The following LANCL2 variants were observed in gnomAD, a reference collection of about 807,000 sequenced individuals.
LANCL2 encodes the protein lanC-like protein 2.
A neutral mutation model predicts 56.9 loss-of-function variants in LANCL2; 33 were observed. The observed-to-expected ratio is 0.58, with a 90% CI of 0.44 to 0.78. The LOEUF is 0.78. LANCL2 is among the 30% of genes least tolerant of loss of function. The pLI is 0.00. For synonymous variants in LANCL2, 233 were observed against 228.2 expected (o/e 1.02, Z -0.19); for missense variants, 562 against 580.2 (o/e 0.97, Z 0.32).
In LANCL2 at chr7:55,422,589, G is replaced by A. The variant is rs77448792; in HGVS notation, c.1009-2665G>A. Among the ~76,000 whole-genome samples the A allele has an allele frequency of 9.9e-3, 1,514 of 152,216 alleles. 8 individuals are homozygous for A. Among genetic ancestry groups the A allele is most frequent in the Non-Finnish European group, 0.016 (1,063 of 68,006 alleles). ...CACTCTTTTCCTACAGGTTCCTGAG[G>A]CTTTTGTTTTCCAGATTTCTCGTTC... On this transcript the variant is annotated intron_variant, in intron 6 of 8. Transcript: ENST00000254770.
At chr7:55,366,655 G>T (rs544210757) in intron 1 of LANCL2, among the ~76,000 whole-genome samples, 26 of 152,076 alleles carry the variant, frequency 1.7e-4, no homozygotes, top group Non-Finnish European at 3.8e-4. Flanking sequence ...CGCCGACAAA[G>T]AAGCATTGTC....
intron 5 of LANCL2, among the ~76,000 whole-genome samples, chr7:55,403,720 C>T (rs1790371985): frequency 6.6e-6 from 1 of 151,666 alleles, no homozygotes; most frequent in Non-Finnish European, 1.5e-5. Flanking sequence ...TACAGGCGCG[C>T]ACTACCACCT....
intron 6 of LANCL2, among the ~76,000 whole-genome samples, chr7:55,417,857 T>A (rs1790563018): frequency 6.6e-6 from 1 of 152,118 alleles, no homozygotes; most frequent in Non-Finnish European, 1.5e-5. Flanking sequence ...TTTTGTATTT[T>A]TAGTAGAGAC....
At chr7:55,402,146 A>G (rs1444319551) in intron 5 of LANCL2, among the ~76,000 whole-genome samples, 5 of 145,044 alleles carry the variant, frequency 3.4e-5, no homozygotes, top group Non-Finnish European at 3.0e-5. Context: ...CACCTCCCGG[A>G]CGGGGCGGCT....
At chr7:55,421,821 A>G (rs1038845135) in intron 6 of LANCL2, among the ~76,000 whole-genome samples, 1 of 152,196 alleles carries the variant, frequency 6.6e-6, no homozygotes, top group Admixed American at 6.5e-5. Context: ...TTTGCACTCT[A>G]TCTGCCATAT....
At chr7:55,408,392 C>T (rs1275013392) in intron 5 of LANCL2, among the ~76,000 whole-genome samples, 3 of 151,980 alleles carry the variant, frequency 2.0e-5, no homozygotes, top group Non-Finnish European at 4.4e-5. Flanking sequence ...ATAGGCTGGG[C>T]GCAGTGGCTC....
intron 1 of LANCL2, among the ~76,000 whole-genome samples, chr7:55,377,315 C>T (rs937158647): frequency 3.9e-5 from 6 of 151,974 alleles, no homozygotes; most frequent in Admixed American, 3.9e-4. Flanking sequence ...CTGTGATGTA[C>T]ATGGAAAAAA....
chr7:55,371,256 C>T (rs1385101677), intron 1 of LANCL2, among the ~76,000 whole-genome samples: 2 of 151,646 alleles, frequency 1.3e-5, no homozygotes, highest in East Asian at 1.9e-4. Flanking sequence ...TGTTTTTTTT[C>T]GAGACAGGGT....
chr7:55,425,038 C>CA (rs1212204592), intron 6 of LANCL2, among the ~76,000 whole-genome samples: 1 of 152,162 alleles, frequency 6.6e-6, no homozygotes, highest in Non-Finnish European at 1.5e-5. Context: ...TCACTGGTGC[C>CA]AAAAAGGTTG....
chr7:55,392,005 A>G (rs995951607), intron 2 of LANCL2, 95 bp downstream of exon 2: 1 of 758,498 alleles, frequency 1.3e-6, no homozygotes, highest in Middle Eastern at 2.5e-4. Context: ...AAAATGGTAA[A>G]GATTTGGCCA....
intron 5 of LANCL2, among the ~76,000 whole-genome samples, chr7:55,402,461 G>T: frequency 7.0e-6 from 1 of 143,402 alleles, no homozygotes; most frequent in Non-Finnish European, 1.5e-5. Context: ...CGGGGCGGCT[G>T]GCCGGGCAGA....
Position 55,428,405 on chromosome 7 carries a change from C to G in LANCL2, c.1216C>G (p.His406Asp), listed in dbSNP as rs1326373193. The change falls in exon 8 of 9, where the codon CAC (histidine) becomes GAC (aspartate). Residue 406 changes from histidine to aspartate, a missense_variant. By Grantham distance (81) the His-to-Asp change is moderately conservative. This residue lies in a region of LANCL2 where 378 missense variants were observed against 468.4 expected (regional missense o/e 0.81). Transcript: ENST00000254770. ...FAEWCLDYGA[H>D]GCRIPDRPYS... ...AGAGTGGTGTCTAGATTACGGAGCA[C>G]ACGGGTGCCGCATTCCTGACAGACC... 6.2e-7 allele frequency: 1 copy of G among 1,614,198 alleles called. No homozygotes were observed. The highest frequency in any genetic ancestry group is 8.5e-7 in the Non-Finnish European group (1 of 1,180,012).
chr7:55,401,164 ATCTCT>A lies in LANCL2; in HGVS notation c.679-9_679-5del. 1 of 1,613,166 alleles carries A rather than the reference ATCTCT, an allele frequency of 6.2e-7. No individual in the cohort carries two copies. The highest frequency in any genetic ancestry group is 8.5e-7 in the Non-Finnish European group (1 of 1,179,172). On this transcript the variant is annotated splice_polypyrimidine_tract_variant and splice_region_variant and intron_variant, in intron 4 of 8. Transcript: ENST00000254770. ...AGTTTTAGATTTATGCTGTCTTGTT[ATCTCT>A]GTAGGTAGTCAATGCTATTATTGAA...
At chr7:55,396,851 A>G (rs1039001834) in intron 2 of LANCL2, 8 of 152,194 alleles carry the variant, frequency 5.3e-5, no homozygotes, top group African/African-American at 1.9e-4. Flanking sequence ...GGGAATACTC[A>G]TTTGTAAGCC....
At chr7:55,407,901 C>G (rs1335052289) in intron 5 of LANCL2, among the ~76,000 whole-genome samples, 2 of 152,374 alleles carry the variant, frequency 1.3e-5, no homozygotes, top group East Asian at 3.9e-4. Flanking sequence ...CACCGTTCCG[C>G]AGCCCCTCCG....
chr7:55,384,046 A>T (rs1790098310), intron 1 of LANCL2, among the ~76,000 whole-genome samples: 1 of 152,148 alleles, frequency 6.6e-6, no homozygotes, highest in African/African-American at 2.4e-5. Context: ...GTGAACTTGA[A>T]AATAGATCAA....
At position 55,379,468 on chromosome 7, in the gene LANCL2, C is replaced by T. The variant is rs181664867; in HGVS notation, c.205-12325C>T. ...GGGCCTGGAAAATCAAGTGTCTCTT[C>T]TGGGGCTGGATGCCCTACTATTCTG... On this transcript the variant is annotated intron_variant, in intron 1 of 8. Coordinates refer to ENST00000254770, the MANE Select transcript of LANCL2 (RefSeq NM_018697.4). Among the ~76,000 whole-genome samples the T allele has an allele frequency of 5.3e-5, 8 of 152,308 alleles. No individual in the cohort carries two copies. In the East Asian group the frequency reaches 5.8e-4, roughly 11 times the overall value.
chr7:55,418,199 A>G (rs1583763965), intron 6 of LANCL2, among the ~76,000 whole-genome samples: 2 of 130,142 alleles, frequency 1.5e-5, no homozygotes, highest in African/African-American at 3.1e-5. Context: ...TTTTTTTTGG[A>G]GACATAGAGT....
intron 1 of LANCL2, among the ~76,000 whole-genome samples, chr7:55,380,562 A>AG (rs1362956532): frequency 6.6e-6 from 1 of 152,214 alleles, no homozygotes; most frequent in Non-Finnish European, 1.5e-5. Context: ...CTGGAGACTA[A>AG]GCAGACTGCA....
Sources: gnomAD v4.1 joint callset for allele counts (sites outside exome capture counted in the v4.1 genomes callset) on GRCh38, gnomAD v4.1.1 for gene constraint, gnomAD v4.1.1 regional missense constraint, MANE v1.5 for transcripts, NCBI Gene and HGNC (gene_info 2026-07-23, HGNC 2026-07-21) for gene names.